DENND2B: variants seen among roughly 807,000 people sequenced by gnomAD.
DENND2B encodes DENN domain-containing protein 2B.
DENND2B carries 32 observed loss-of-function variants against 116.0 expected under a neutral mutation model. The observed-to-expected ratio is 0.28, with a 90% CI of 0.21 to 0.37. DENND2B has a LOEUF of 0.37. Ranked by LOEUF, DENND2B falls within the 10% of genes least tolerant of loss-of-function variation. The pLI, the probability that DENND2B is intolerant of heterozygous loss-of-function variation, is 1.00. For missense variants in DENND2B, 1,276 were observed against 1,477.7 expected, an observed-to-expected ratio of 0.86 and a Z score of 2.24; for synonymous variants, 588 against 583.9, an observed-to-expected ratio of 1.01 and a Z score of -0.10.
upstream of DENND2B, among the ~76,000 whole-genome samples, chr11:8,812,751 G>T (rs2061435936): frequency 6.6e-6 from 1 of 152,300 alleles, no homozygotes; most frequent in Non-Finnish European, 1.5e-5. Flanking sequence ...CATCGGAAGA[G>T]ATGCTGTCCG....
intron 1 of DENND2B, among the ~76,000 whole-genome samples, chr11:8,778,349 G>A (rs923068685): frequency 1.3e-5 from 2 of 152,152 alleles, no homozygotes; most frequent in Non-Finnish European, 2.9e-5. Flanking sequence ...CCATCTCCAA[G>A]GCTGAAGAGA....
At chr11:8,875,035 T>G (rs542454445), upstream of DENND2B, among the ~76,000 whole-genome samples, 3 of 152,196 alleles carry the variant, frequency 2.0e-5, no homozygotes, top group South Asian at 6.2e-4. Context: ...TGACTTTAAG[T>G]GTTCTAGGCC....
At chr11:8,768,843 T>C (rs1434812587) in intron 1 of DENND2B, 1 of 152,412 alleles carries the variant, frequency 6.6e-6, no homozygotes, top group East Asian at 1.9e-4. Flanking sequence ...TTCTAAGCTC[T>C]TGTATATTTT....
chr11:8,756,914 G>A (rs1436639668), intron 1 of DENND2B: 1 of 403,306 alleles, frequency 2.5e-6, no homozygotes, highest in Non-Finnish European at 4.9e-6. Context: ...GGCAGAAACT[G>A]CATGTTTAGA....
At chr11:8,849,539 T>C (rs575774844) in intron 3 of DENND2B, among the ~76,000 whole-genome samples, 8 of 131,758 alleles carry the variant, frequency 6.1e-5, no homozygotes, top group Non-Finnish European at 1.1e-4. Context: ...AAGAGACTGA[T>C]AAGGCCAGGC....
Position 8,707,344 on chromosome 11 carries a change from G to A in DENND2B, c.2431-119C>T, listed in dbSNP as rs2133766344. 1 of 1,359,884 alleles carries A rather than the reference G, an allele frequency of 7.4e-7. No individual in the cohort carries two copies. Among genetic ancestry groups the A allele is most frequent in the East Asian group, 2.4e-5 (1 of 40,968 alleles). 84.2% of individuals were successfully genotyped at this position (1,359,884 alleles called of 1,614,324 possible). On this transcript the variant is annotated intron_variant, in intron 12 of 19. Transcript: ENST00000313726. The surrounding 1 kb of genome is among the most constrained non-coding windows in gnomAD (Gnocchi z 4.8). ...GGCTAGCCCAGAAGCTGGGAGACGGGAAGGTGGTCTTGCCATGATCTGCAC... is the reference window on the plus strand; with the variant it reads ...GGCTAGCCCAGAAGCTGGGAGACGGAAAGGTGGTCTTGCCATGATCTGCAC...
At chr11:8,767,371 T>G (rs551305871) in intron 1 of DENND2B, among the ~76,000 whole-genome samples, 87 of 152,300 alleles carry the variant, frequency 5.7e-4, no homozygotes, top group African/African-American at 2.0e-3. Context: ...AGATGTGTTT[T>G]CTAGGGTCCC....
intron 2 of DENND2B, among the ~76,000 whole-genome samples, chr11:8,736,635 G>A (rs576379409): frequency 7.2e-5 from 11 of 152,312 alleles, no homozygotes; most frequent in African/African-American, 1.4e-4. Context: ...CAAAGGAAGT[G>A]AGCAATGTGT....
intron 1 of DENND2B, among the ~76,000 whole-genome samples, chr11:8,769,180 A>C (rs2056423821): frequency 6.6e-6 from 1 of 151,944 alleles, no homozygotes. Context: ...GTGCCAGCAG[A>C]GAACCACTTT....
At chr11:8,905,113 C>T (rs936884949) in intron 1 of DENND2B, among the ~76,000 whole-genome samples, 4 of 151,898 alleles carry the variant, frequency 2.6e-5, no homozygotes, top group African/African-American at 9.7e-5. Flanking sequence ...AAATGAAGAA[C>T]ATAGTTGATA....
Position 8,712,692 on chromosome 11 carries a change from G to A in DENND2B, c.2031C>T (p.Arg677=), listed in dbSNP as rs373559358. 1.3e-4 allele frequency: 211 copies of A among 1,612,216 alleles called. No homozygotes were observed. Among genetic ancestry groups the A allele is most frequent in the Admixed American group, 5.0e-4 (30 of 59,804 alleles). ...GCTCCAGCGTGCGATAGCTGGGGGCGCGCTTCAGCATCGACTGGATGTGGA... is the reference window on the plus strand; with the variant it reads ...GCTCCAGCGTGCGATAGCTGGGGGCACGCTTCAGCATCGACTGGATGTGGA... ...RLVHIQSMLK[R]APSYRTLELE... is the part of the protein sequence containing the mutation. The change falls in exon 9 of 20, where the codon CGC becomes CGT. Residue 677 remains arginine, a synonymous_variant. Coordinates refer to ENST00000313726, the MANE Select transcript of DENND2B (RefSeq NM_213618.2). The surrounding 1 kb of genome is among the most constrained non-coding windows in gnomAD (Gnocchi z 4.4).
intron 2 of DENND2B, among the ~76,000 whole-genome samples, chr11:8,749,542 T>A (rs1234757481): frequency 6.6e-6 from 1 of 152,258 alleles, no homozygotes; most frequent in Non-Finnish European, 1.5e-5. Flanking sequence ...GGGGAACCCC[T>A]GCCTCCTTCA....
Position 8,696,608 on chromosome 11 carries a change from G to C in DENND2B, c.3111C>G (p.Thr1037=), listed in dbSNP as rs747283241. The C allele has an allele frequency of 3.7e-6, 6 of 1,613,992 alleles. No individual in the cohort carries two copies. Among genetic ancestry groups the C allele is most frequent in the East Asian group, 4.5e-5 (2 of 44,896 alleles). Residue 1037 remains threonine (T), a synonymous_variant, in exon 18 of 20, where the codon ACC becomes ACG. Coordinates refer to ENST00000313726, the MANE Select transcript of DENND2B (RefSeq NM_213618.2). ...TCAGAAAGAGGGAGTAGTGCCCAAC[G>C]GTCTCCACAAAGAACCGGATAAACA... ...SEVFIRFFVE[T]VGHYSLFLTQ...
intron 4 of DENND2B, among the ~76,000 whole-genome samples, chr11:8,824,745 G>T (rs1400229973): frequency 6.6e-6 from 1 of 150,812 alleles, no homozygotes; most frequent in Non-Finnish European, 1.5e-5. Flanking sequence ...CTGGAATGCA[G>T]TGGCACAATC....
chr11:8,812,822 C>T (rs752046054), upstream of DENND2B, among the ~76,000 whole-genome samples: 11 of 152,212 alleles, frequency 7.2e-5, no homozygotes, highest in Non-Finnish European at 1.5e-4. Flanking sequence ...CAACTCCTCA[C>T]CAAAAACAAA....
intron 2 of DENND2B, among the ~76,000 whole-genome samples, chr11:8,877,682 AC>A (rs2063859030): frequency 6.6e-6 from 1 of 152,176 alleles, no homozygotes; most frequent in Non-Finnish European, 1.5e-5. Flanking sequence ...ATTTTACCCA[AC>A]ATGCATCCCT....
At chr11:8,850,131 T>TCA (rs377563197) in intron 3 of DENND2B, among the ~76,000 whole-genome samples, 22 of 151,030 alleles carry the variant, frequency 1.5e-4, no homozygotes, top group South Asian at 2.1e-4. Context: ...GGATACCCAG[T>TCA]CACACACACA....
chr11:8,870,920 G>A (rs2063761857), intron 2 of DENND2B: 1 of 152,018 alleles, frequency 6.6e-6, no homozygotes, highest in African/African-American at 2.4e-5. Context: ...GCGCGCACGC[G>A]GGAACCGGGG....
intron 4 of DENND2B, among the ~76,000 whole-genome samples, chr11:8,825,644 T>C (rs1467942333): frequency 6.6e-6 from 1 of 152,020 alleles, no homozygotes; most frequent in Admixed American, 6.6e-5. Context: ...ATAATGAATA[T>C]ACTAGATATA....
Sources: allele counts gnomAD v4.1 joint callset (sites outside exome capture counted in the v4.1 genomes callset), GRCh38; gene constraint gnomAD v4.1.1; non-coding constraint Gnocchi (gnomAD v3.1); transcripts MANE v1.5; gene names NCBI Gene and HGNC (gene_info 2026-07-23, HGNC 2026-07-21).